CLECL1: variants seen among roughly 807,000 people sequenced by gnomAD.
The protein encoded by CLECL1 is C-type lectin like 1.
In CLECL1 at chr12:9,726,667, C is replaced by G; in HGVS notation, n.262+898G>C. Reference sequence around the variant, plus strand: ...TTTAGATTTGGTGTACTTTCCTAATCAATTGAAAGTAGAACCTTAGGAGAG... The same window carrying G: ...TTTAGATTTGGTGTACTTTCCTAATGAATTGAAAGTAGAACCTTAGGAGAG... On this transcript the variant is annotated intron_variant and non_coding_transcript_variant, in intron 3 of 3. Transcript: ENST00000621400. 1.3e-5 allele frequency among the ~76,000 whole-genome samples: 2 copies of G among 151,832 alleles called. 1 individual carries two copies. The highest frequency in any genetic ancestry group is 2.9e-5 in the Non-Finnish European group (2 of 67,808).
At chr12:9,707,197 A>G in the CLECL1 span, among the ~76,000 whole-genome samples, 2 of 152,178 alleles carry the variant, frequency 1.3e-5, no homozygotes, top group Admixed American at 1.3e-4. Context: ...AGTACCAGAA[A>G]TTTTAGTTTT....
chr12:9,704,974 G>C, the CLECL1 span, among the ~76,000 whole-genome samples: 1 of 152,160 alleles, frequency 6.6e-6, no homozygotes, highest in Non-Finnish European at 1.5e-5. Context: ...CTAGGTCTTT[G>C]AGAAATTGCC....
intron 3 of CLECL1, among the ~76,000 whole-genome samples, chr12:9,725,817 G>A (rs1866372652): frequency 6.6e-6 from 1 of 152,084 alleles, no homozygotes; most frequent in African/African-American, 2.4e-5. Flanking sequence ...CACTTAGTTA[G>A]AAGCAGAATG....
intron 1 of CLECL1, among the ~76,000 whole-genome samples, 172 bp downstream of exon 1, chr12:9,732,777 T>C (rs1866462426): frequency 6.6e-6 from 1 of 152,258 alleles, no homozygotes; most frequent in South Asian, 2.1e-4. Context: ...ATTTATTTTA[T>C]GAACAGACAT....
the CLECL1 span, among the ~76,000 whole-genome samples, chr12:9,710,818 C>A: frequency 1.5e-4 from 23 of 152,256 alleles, no homozygotes; most frequent in African/African-American, 5.3e-4. Context: ...ACAGTCTGGG[C>A]CACTGAGCAG....
chr12:9,733,250 G>T (rs138470841), upstream of CLECL1: 812 of 1,607,280 alleles, frequency 5.1e-4, no homozygotes, highest in Admixed American at 1.7e-3. Context: ...TGACATGGAA[G>T]AAATTACTAA....
intron 2 of CLECL1, among the ~76,000 whole-genome samples, chr12:9,727,827 T>C (rs1345880447): frequency 6.6e-6 from 1 of 151,772 alleles, no homozygotes; most frequent in Non-Finnish European, 1.5e-5. Context: ...AACTACTCTT[T>C]CCTAGATTTA....
At chr12:9,716,752 G>T in exon 3 of CLECL1, 1 of 1,274,802 alleles carries the variant, frequency 7.8e-7, no homozygotes, top group Non-Finnish European at 1.0e-6. Context: ...ACTTCTATAT[G>T]CATATGTCAA....
At chr12:9,732,470 TAA>T (rs1023334872) in intron 1 of CLECL1, among the ~76,000 whole-genome samples, 3 of 152,270 alleles carry the variant, frequency 2.0e-5, no homozygotes, top group African/African-American at 7.2e-5. Context: ...CTAGACTTTA[TAA>T]AATTAAATCT....
intron 1 of CLECL1, among the ~76,000 whole-genome samples, chr12:9,732,298 C>G (rs747940337): frequency 6.6e-5 from 10 of 152,100 alleles, no homozygotes; most frequent in Admixed American, 1.3e-4. Flanking sequence ...GGAAATGTAA[C>G]AAGACAGAGA....
chr12:9,703,306 G>A, the CLECL1 span, among the ~76,000 whole-genome samples: 2 of 151,972 alleles, frequency 1.3e-5, no homozygotes, highest in African/African-American at 4.8e-5. Flanking sequence ...TCATACTACT[G>A]GAGGATATTT....
At chr12:9,717,877 T>G (rs937741710), downstream of CLECL1, among the ~76,000 whole-genome samples, 2 of 152,154 alleles carry the variant, frequency 1.3e-5, no homozygotes, top group Non-Finnish European at 2.9e-5. Context: ...TGTTTTTTTT[T>G]CTTTAAGTAG....
intron 1 of CLECL1, among the ~76,000 whole-genome samples, chr12:9,731,032 G>A (rs1420908997): frequency 6.6e-6 from 1 of 152,098 alleles, no homozygotes; most frequent in African/African-American, 2.4e-5. Context: ...GGATCCCTAA[G>A]TTTAGTAGAA....
downstream of CLECL1, among the ~76,000 whole-genome samples, chr12:9,719,005 C>T (rs919516575): frequency 6.6e-6 from 1 of 152,102 alleles, no homozygotes; most frequent in South Asian, 2.1e-4. Flanking sequence ...TTTTCATATA[C>T]CTCTTACATG....
At chr12:9,711,859 T>C (rs1250146183), downstream of CLECL1, among the ~76,000 whole-genome samples, 1 of 152,196 alleles carries the variant, frequency 6.6e-6, no homozygotes, top group Non-Finnish European at 1.5e-5. Context: ...AGTATCTAAC[T>C]GGATTCCTGA....
chr12:9,715,005 T>C (rs977514537), downstream of CLECL1, among the ~76,000 whole-genome samples: 2 of 152,210 alleles, frequency 1.3e-5, no homozygotes, highest in Non-Finnish European at 2.9e-5. Flanking sequence ...ATGTTACATA[T>C]TTTCCTTTAT....
intron 1 of CLECL1, among the ~76,000 whole-genome samples, chr12:9,730,911 C>T (rs1394163957): frequency 6.6e-6 from 1 of 152,162 alleles, no homozygotes. Flanking sequence ...GTACCAATCT[C>T]ATGGGCTCAA....
At chr12:9,715,435 A>T (rs1353062108), downstream of CLECL1, among the ~76,000 whole-genome samples, 1 of 152,194 alleles carries the variant, frequency 6.6e-6, no homozygotes, top group East Asian at 1.9e-4. Flanking sequence ...CATAGCACAC[A>T]TCGGGCTGGT....
chr12:9,710,159 G>A, the CLECL1 span, among the ~76,000 whole-genome samples: 1 of 152,052 alleles, frequency 6.6e-6, no homozygotes, highest in Non-Finnish European at 1.5e-5. Flanking sequence ...GTAATATTTG[G>A]CACTAAATTC....
Sources: gnomAD v4.1 joint callset for allele counts (sites outside exome capture counted in the v4.1 genomes callset) on GRCh38, gnomAD v4.1.1 for gene constraint, MANE v1.5 for transcripts, NCBI Gene and HGNC (gene_info 2026-07-23, HGNC 2026-07-21) for gene names.